The following UPF1 variants were observed in gnomAD, a reference collection of about 807,000 sequenced individuals.
The protein encoded by UPF1 is regulator of nonsense transcripts 1.
UPF1 carries 9 observed loss-of-function variants against 129.2 expected under a neutral mutation model. The ratio of observed to expected loss-of-function variants is 0.07; its 90% CI spans 0.04 to 0.12. The LOEUF is 0.12. UPF1 is among the 10% of genes least tolerant of loss of function. The pLI is 1.00. For synonymous variants in UPF1, 649 were observed against 644.9 expected (o/e 1.01, Z -0.10); for missense variants, 788 against 1,525.3 (o/e 0.52, Z 8.05).
At chr19:18,861,046 T>TTA in intron 17 of UPF1, 64 bp downstream of exon 17, 1 of 1,497,692 alleles carries the variant, frequency 6.7e-7, no homozygotes, top group Non-Finnish European at 8.9e-7. Flanking sequence ...CCCTTGACCT[T>TTA]TAAGTTACCC....
Position 18,867,057 on chromosome 19 carries a change from T to G in UPF1, c.*540T>G. ...TCATTTAAAGAAAATAAGGGTGTTT[T>G]GGGTTTTTCTCTTTGTTTTTTTCAA... On this transcript the variant is annotated 3_prime_UTR_variant, in exon 24 of 24. Coordinates refer to ENST00000262803, the MANE Select transcript of UPF1 (RefSeq NM_002911.4). The G allele has an allele frequency of 6.6e-6, 1 of 152,634 alleles. No individual in the cohort carries two copies. The highest frequency in any genetic ancestry group is 1.9e-4 in the East Asian group (1 of 5,190). 9.5% of individuals were successfully genotyped at this position (152,634 alleles called of 1,614,324 possible).
chr19:18,843,716 C>CG (rs2055566878), intron 1 of UPF1, among the ~76,000 whole-genome samples: 2 of 119,696 alleles, frequency 1.7e-5, no homozygotes, highest in Non-Finnish European at 3.4e-5. Flanking sequence ...GTTGGCCAGG[C>CG]TTGTGTGTGT....
rs1416818508 is a variant in UPF1 at position 18,832,367 on chromosome 19, G to C, written c.158G>C (p.Gly53Ala). Residue 53 changes from glycine (G) to alanine (A), a missense_variant, in exon 1 of 24, where the codon GGC becomes GCC. By Grantham distance (60) the Gly-to-Ala change is moderately conservative (BLOSUM62 0). This residue lies in a region of UPF1 where 112 missense variants were observed against 128.2 expected (regional missense o/e 0.87). Transcript: ENST00000262803. This position sits in a 1 kb window ranked among gnomAD's most constrained non-coding sequence, Gnocchi z 5.6. ...CAGACGCCCCCCGGCGGCCCCGGCGGCCCGGGCGGTGGCGGCGCGGGAGGC... is the reference window on the plus strand; with the variant it reads ...CAGACGCCCCCCGGCGGCCCCGGCGCCCCGGGCGGTGGCGGCGCGGGAGGC... ...QTQTPPGGPG[G>A]PGGGGAGGPG... The C allele has an allele frequency of 3.8e-6, 5 of 1,306,996 alleles. No homozygotes were observed. Among genetic ancestry groups the C allele is most frequent in the Admixed American group, 4.9e-5 (2 of 41,068 alleles). 81.0% of individuals were successfully genotyped at this position (1,306,996 alleles called of 1,614,324 possible). A position where few individuals can be genotyped will look rare whatever the true frequency, so the allele number is the denominator to read the frequency against.
rs2055640993 is a variant in UPF1 at position 18,850,005 on chromosome 19, G to A, written c.462-70G>A. On this transcript the variant is annotated intron_variant, in intron 3 of 23. Transcript: ENST00000262803. The surrounding 1 kb of genome is among the most constrained non-coding windows in gnomAD (Gnocchi z 7.1). ...TGAACGGTACCGGAACTTTTAACAG[G>A]GGCCCGAAAATTGGAAGTGGTGAAA... is the stretch of plus-strand genomic sequence containing the variant. 6.3e-7 allele frequency: 1 copy of A among 1,592,232 alleles called. No individual in the cohort carries two copies. Among genetic ancestry groups the A allele is most frequent in the Non-Finnish European group, 8.6e-7 (1 of 1,164,338 alleles).
At chr19:18,859,132 A>G (rs1239659746) in intron 15 of UPF1, among the ~76,000 whole-genome samples, 1 of 152,198 alleles carries the variant, frequency 6.6e-6, no homozygotes, top group African/African-American at 2.4e-5. Context: ...CTGAAAACAC[A>G]AGGCCACAGA....
intron 1 of UPF1, among the ~76,000 whole-genome samples, chr19:18,834,510 T>C (rs1314220006): frequency 6.6e-6 from 1 of 152,074 alleles, no homozygotes; most frequent in Non-Finnish European, 1.5e-5. Context: ...ATTAAAACGC[T>C]CCCCTGGAGG....
At chr19:18,854,801 C>A in intron 9 of UPF1, 78 bp from the exon 10 acceptor site, 1 of 1,606,360 alleles carries the variant, frequency 6.2e-7, no homozygotes. Flanking sequence ...TGGGGTTCCC[C>A]ACCCAGCTCT....
chr19:18,845,648 A>G (rs890631096), intron 1 of UPF1, among the ~76,000 whole-genome samples: 1 of 152,122 alleles, frequency 6.6e-6, no homozygotes, highest in Admixed American at 6.5e-5. Context: ...CACTGCTGTC[A>G]GTCTGTAAAA....
intron 1 of UPF1, among the ~76,000 whole-genome samples, chr19:18,838,438 C>T (rs991336013): frequency 6.6e-6 from 1 of 152,184 alleles, no homozygotes. Flanking sequence ...CACCGGAGGT[C>T]AGGAGTTCCA....
Position 18,853,700 on chromosome 19 carries a change from C to T in UPF1, c.1156+350C>T, listed in dbSNP as rs541312612. Among the ~76,000 whole-genome samples the T allele has an allele frequency of 3.3e-5, 5 of 152,340 alleles. No homozygotes were observed. Among genetic ancestry groups the T allele is most frequent in the African/African-American group, 9.6e-5 (4 of 41,570 alleles). On this transcript the variant is annotated intron_variant, in intron 8 of 23. Transcript: ENST00000262803. This position sits in a 1 kb window ranked among gnomAD's most constrained non-coding sequence, Gnocchi z 4.4. The stretch of plus-strand genomic sequence containing the variant: ...TGGCTGCAGGAGCGCCTTACCTGGA[C>T]GCTGACTCTGCACACGGAGGTTCCA...
At chr19:18,839,457 G>A (rs1490249912) in intron 1 of UPF1, among the ~76,000 whole-genome samples, 2 of 152,148 alleles carry the variant, frequency 1.3e-5, no homozygotes, top group Non-Finnish European at 2.9e-5. Flanking sequence ...CACCACAGCA[G>A]TGCCTTGCTG....
intron 15 of UPF1, among the ~76,000 whole-genome samples, chr19:18,858,591 G>A (rs1399040773): frequency 1.3e-5 from 2 of 152,042 alleles, no homozygotes; most frequent in Admixed American, 1.3e-4. Context: ...CATGCAGAAA[G>A]GCTGTAAAAA....
chr19:18,856,775 G>C (rs1376599546), intron 13 of UPF1, 102 bp from the exon 14 acceptor site: 23 of 1,459,266 alleles, frequency 1.6e-5, no homozygotes, highest in Admixed American at 2.5e-5. Flanking sequence ...GTGTCAGGGA[G>C]GGTGAGAAAC....
intron 1 of UPF1, among the ~76,000 whole-genome samples, chr19:18,836,761 T>C (rs1050044325): frequency 2.6e-5 from 4 of 151,424 alleles, no homozygotes; most frequent in African/African-American, 9.7e-5. Context: ...TTTTTTTTTT[T>C]TTTTTTTTTG....
chr19:18,860,750 C>T, intron 16 of UPF1, 76 bp from the exon 17 acceptor site: 1 of 1,574,770 alleles, frequency 6.4e-7, no homozygotes, highest in Non-Finnish European at 8.6e-7. Context: ...GTTGTGTCTG[C>T]ACCCCTCACG....
At chr19:18,859,832 G>A (rs1405377837) in intron 15 of UPF1, 1 of 153,356 alleles carries the variant, frequency 6.5e-6, no homozygotes, top group Non-Finnish European at 1.5e-5. Flanking sequence ...AAGCTGCAGT[G>A]TTGGGCCCCG....
rs778706023 is a variant in UPF1 at position 18,860,885 on chromosome 19, C to T, written c.2360C>T (p.Pro787Leu). 6.2e-7 allele frequency: 1 copy of T among 1,610,142 alleles called. No homozygotes were observed. Among genetic ancestry groups the T allele is most frequent in the Non-Finnish European group, 8.5e-7 (1 of 1,178,468 alleles). Residue 787 changes from proline (P) to leucine (L), a missense_variant, in exon 17 of 24, where the codon CCG (proline) becomes CTG (leucine). This residue lies in a region of UPF1 where 140 missense variants were observed against 385.9 expected (regional missense o/e 0.36). Transcript: ENST00000262803. ...AAGTTGCTGAAGGCAGGCGCCAAGC[C>T]GGACCAGATTGGCATCATCACGCCC... is the stretch of plus-strand genomic sequence containing the variant. Reference protein sequence around the residue: ...TTKLLKAGAKPDQIGIITPYE... With the variant: ...TTKLLKAGAKLDQIGIITPYE...
chr19:18,860,091 A>C (rs1242082020), intron 15 of UPF1: 2 of 546,278 alleles, frequency 3.7e-6, no homozygotes, highest in Admixed American at 6.4e-5. Flanking sequence ...GGGCTGAGCC[A>C]GCTCTGTGCT....
Position 18,865,832 on chromosome 19 carries a change from T to G in UPF1, c.3237+54T>G, listed in dbSNP as rs1264127696. Reference sequence around the variant, plus strand: ...CTGAGTGAGGGTGGGGCTATGCACCTGAAACATTCCCTCTGAAGAGCCCCA... The same window carrying G: ...CTGAGTGAGGGTGGGGCTATGCACCGGAAACATTCCCTCTGAAGAGCCCCA... On this transcript the variant is annotated intron_variant, in intron 22 of 23. Coordinates refer to ENST00000262803, the MANE Select transcript of UPF1 (RefSeq NM_002911.4). The surrounding 1 kb of genome is among the most constrained non-coding windows in gnomAD (Gnocchi z 6.1). The G allele has an allele frequency of 1.9e-6, 3 of 1,604,298 alleles. No homozygotes were observed. In the East Asian group the frequency reaches 6.7e-5, roughly 36 times the overall value.
Sources: allele counts gnomAD v4.1 joint callset (sites outside exome capture counted in the v4.1 genomes callset), GRCh38; gene constraint gnomAD v4.1.1; regional missense constraint gnomAD v4.1.1; non-coding constraint Gnocchi (gnomAD v3.1); transcripts MANE v1.5; gene names NCBI Gene and HGNC (gene_info 2026-07-23, HGNC 2026-07-21).